Variants in LPP observed in about 807,000 individuals in gnomAD.
The protein encoded by LPP is lipoma-preferred partner.
A neutral mutation model predicts 60.4 loss-of-function variants in LPP; 38 were observed. The ratio of observed to expected loss-of-function variants is 0.63; its 90% CI spans 0.49 to 0.83. The LOEUF is 0.83. LPP is among the 40% of genes least tolerant of loss of function. LPP has a pLI of 0.00. For missense variants in LPP, 902 were observed against 783.6 expected (o/e 1.15, Z -1.80); for synonymous variants, 328 against 290.8 (o/e 1.13, Z -1.30).
chr3:188,745,786 G>C (rs570258332), intron 8 of LPP, among the ~76,000 whole-genome samples: 1 of 152,132 alleles, frequency 6.6e-6, no homozygotes, highest in Admixed American at 6.5e-5. Context: ...CTCTGTTGGT[G>C]GGGATCAATA....
chr3:188,248,468 T>TTATATATATAGTTATATATATATATATA (rs528762603), intron 2 of LPP, among the ~76,000 whole-genome samples: 22 of 84,150 alleles, frequency 2.6e-4, no homozygotes, highest in South Asian at 1.3e-3. Flanking sequence ...CAGTATAACT[T>TTATATATATAGTTATATATATATATATA]TATATATATA....
At chr3:188,447,613 A>G (rs1373711960) in intron 4 of LPP, among the ~76,000 whole-genome samples, 3 of 144,792 alleles carry the variant, frequency 2.1e-5, no homozygotes, top group African/African-American at 7.7e-5. Flanking sequence ...GCCTCAAAAA[A>G]AAAAAAAAAA....
At chr3:188,710,815 C>G (rs192093058) in intron 8 of LPP, 1 of 152,126 alleles carries the variant, frequency 6.6e-6, no homozygotes, top group African/African-American at 2.4e-5. Context: ...ATATTGAACA[C>G]TCTGGGAAAC....
chr3:188,664,976 C>G (rs1431754098), intron 7 of LPP, among the ~76,000 whole-genome samples: 2 of 152,156 alleles, frequency 1.3e-5, no homozygotes, highest in African/African-American at 2.4e-5. Context: ...TTGGTAGCAT[C>G]TTCCCCACAC....
At chr3:188,753,569 CTTG>C (rs1385451505) in intron 8 of LPP, among the ~76,000 whole-genome samples, 3 of 131,742 alleles carry the variant, frequency 2.3e-5, no homozygotes, top group Non-Finnish European at 3.3e-5. Context: ...GGGGTTTTGG[CTTG>C]TTGTGTGCGT....
chr3:188,351,069 T>C (rs532562820), intron 3 of LPP, among the ~76,000 whole-genome samples: 5 of 152,218 alleles, frequency 3.3e-5, no homozygotes, highest in Non-Finnish European at 7.3e-5. Flanking sequence ...TCTTTCCATG[T>C]TTCCACCCCC....
intron 6 of LPP, among the ~76,000 whole-genome samples, chr3:188,574,701 G>A (rs10937356): frequency 2.6e-5 from 4 of 151,738 alleles, no homozygotes; most frequent in Non-Finnish European, 5.9e-5. Context: ...TTTTGCCAGC[G>A]TAATTTCCTG....
At chr3:188,607,851 A>G (rs1296485671) in intron 6 of LPP, among the ~76,000 whole-genome samples, 2 of 152,228 alleles carry the variant, frequency 1.3e-5, no homozygotes, top group Admixed American at 1.3e-4. Flanking sequence ...ATGTGTATAT[A>G]AATCTATTTA....
At chr3:188,623,311 G>A (rs565161648) in intron 7 of LPP, among the ~76,000 whole-genome samples, 1 of 148,880 alleles carries the variant, frequency 6.7e-6, no homozygotes, top group East Asian at 2.0e-4. Context: ...AGGCTAGGGT[G>A]CAGTGGCACA....
chr3:188,718,531 G>A (rs1182962818), intron 8 of LPP, among the ~76,000 whole-genome samples: 1 of 152,164 alleles, frequency 6.6e-6, no homozygotes, highest in African/African-American at 2.4e-5. Flanking sequence ...AAACAAAAGA[G>A]ATTCCCAGTA....
intron 9 of LPP, among the ~76,000 whole-genome samples, chr3:188,780,572 C>G (rs1739312638): frequency 6.6e-6 from 1 of 152,176 alleles, no homozygotes; most frequent in Non-Finnish European, 1.5e-5. Context: ...GGTTCTTCAG[C>G]CAGCTGGACA....
chr3:188,385,502 T>C (rs1778037838), intron 3 of LPP, among the ~76,000 whole-genome samples: 1 of 152,096 alleles, frequency 6.6e-6, no homozygotes, highest in Admixed American at 6.6e-5. Context: ...CTTACGTAAG[T>C]TACAAACACT....
intron 9 of LPP, among the ~76,000 whole-genome samples, chr3:188,779,989 G>A (rs1739125219): frequency 6.6e-6 from 1 of 151,984 alleles, no homozygotes; most frequent in South Asian, 2.1e-4. Context: ...AGGCACAGAG[G>A]GCTTAAGGGA....
At chr3:188,198,679 T>C (rs1730206782) in intron 1 of LPP, among the ~76,000 whole-genome samples, 1 of 152,162 alleles carries the variant, frequency 6.6e-6, no homozygotes, top group African/African-American at 2.4e-5. Context: ...GGTCCCATGT[T>C]TATGTTGATT....
intron 1 of LPP, among the ~76,000 whole-genome samples, chr3:188,165,026 C>A (rs929465559): frequency 6.6e-6 from 1 of 152,006 alleles, no homozygotes; most frequent in Non-Finnish European, 1.5e-5. Context: ...AATCCCGGTA[C>A]TTTGGGAGGC....
intron 7 of LPP, among the ~76,000 whole-genome samples, chr3:188,633,633 T>A (rs1053491672): frequency 6.6e-6 from 1 of 152,146 alleles, no homozygotes; most frequent in East Asian, 1.9e-4. Context: ...TAAAGTCAGA[T>A]AGGGTGAGGA....
At chr3:188,327,165 C>G (rs1758653980) in intron 2 of LPP, among the ~76,000 whole-genome samples, 1 of 152,270 alleles carries the variant, frequency 6.6e-6, no homozygotes, top group South Asian at 2.1e-4. Flanking sequence ...AAGACTGATT[C>G]TTCTGCTCTT....
intron 7 of LPP, among the ~76,000 whole-genome samples, chr3:188,613,261 C>CCTATATCTATATCTATATCTATAT (rs61366207): frequency 0.029 from 3,408 of 117,312 alleles, 72 homozygotes; most frequent in East Asian, 0.04. Flanking sequence ...TATATCTATA[C>CCTATATCTATATCTATATCTATAT]CTATATCTAT....
chr3:188,414,540 T>A (rs6769665), intron 4 of LPP, among the ~76,000 whole-genome samples: 1 of 152,112 alleles, frequency 6.6e-6, no homozygotes, highest in Non-Finnish European at 1.5e-5. Flanking sequence ...TAAGTACTCA[T>A]GTCATTAGCT....
Sources: gnomAD v4.1 joint callset for allele counts (sites outside exome capture counted in the v4.1 genomes callset) on GRCh38, gnomAD v4.1.1 for gene constraint, MANE v1.5 for transcripts, NCBI Gene and HGNC (gene_info 2026-07-23, HGNC 2026-07-21) for gene names.